BTN3A1: variants seen among roughly 807,000 people sequenced by gnomAD.
The protein encoded by BTN3A1 is butyrophilin subfamily 3 member A1.
BTN3A1 carries 24 observed loss-of-function variants against 43.0 expected under a neutral mutation model. That is an observed-to-expected ratio of 0.56 (90% confidence interval 0.40 to 0.78). The LOEUF (loss-of-function observed/expected upper bound fraction) is 0.78, where lower values mean the gene tolerates loss of function less well. BTN3A1 is among the 30% of genes least tolerant of loss of function. The pLI, the probability that BTN3A1 is intolerant of heterozygous loss-of-function variation, is 0.00. For missense variants in BTN3A1, 533 were observed against 626.2 expected (o/e 0.85, Z 1.59); for synonymous variants, 181 against 234.7 (o/e 0.77, Z 2.09).
intron 7 of BTN3A1, 127 bp from the exon 8 acceptor site, chr6:26,410,979 AGAG>A: frequency 1.4e-6 from 1 of 711,308 alleles, no homozygotes; most frequent in Non-Finnish European, 2.2e-6. Context: ...TTGAACCTGC[AGAG>A]GAGGAAGATA....
intron 4 of BTN3A1, among the ~76,000 whole-genome samples, chr6:26,408,886 T>G (rs1762109622): frequency 1.3e-5 from 2 of 152,200 alleles, no homozygotes. Flanking sequence ...CTATCTTTAG[T>G]GCAAATAAGA....
chr6:26,407,546 CT>C (rs1762059674), intron 3 of BTN3A1, 124 bp from the exon 4 acceptor site: 2 of 1,256,624 alleles, frequency 1.6e-6, no homozygotes, highest in Non-Finnish European at 2.2e-6. Context: ...TAGGACCACA[CT>C]TTTGTAAGCA....
intron 3 of BTN3A1, 35 bp from the exon 4 acceptor site, chr6:26,407,636 C>T: frequency 6.2e-7 from 1 of 1,605,602 alleles, no homozygotes; most frequent in Non-Finnish European, 8.5e-7. Flanking sequence ...TGATACAGGC[C>T]TCTCAAGAAT....
At chr6:26,409,835 A>G in intron 5 of BTN3A1, 59 bp from the exon 6 acceptor site, 2 of 1,613,522 alleles carry the variant, frequency 1.2e-6, no homozygotes, top group Non-Finnish European at 1.7e-6. Flanking sequence ...TTTAAGGTTA[A>G]TTTTTTAGAA....
At position 26,413,284 on chromosome 6, in the gene BTN3A1, T is replaced by G; in HGVS notation, c.1134T>G (p.Phe378Leu). Residue 378 changes from phenylalanine to leucine, a missense_variant, in exon 10 of 10, where the codon TTT becomes TTG. Around this residue, in one of 4 missense-constraint regions of BTN3A1, gnomAD observed 415 missense variants for 427.0 expected, o/e 0.97. Coordinates refer to ENST00000289361, the MANE Select transcript of BTN3A1 (RefSeq NM_007048.6). ...PQDLPDNPER[F>L]NWHYCVLGCE... ...ATCTGCCAGACAACCCTGAGAGATT[T>G]AATTGGCATTATTGTGTTCTCGGCT... 6.2e-7 allele frequency: 1 copy of G among 1,614,218 alleles called. No individual in the cohort carries two copies. The highest frequency in any genetic ancestry group is 8.5e-7 in the Non-Finnish European group (1 of 1,180,042).
chr6:26,412,587 C>T (rs1051681613), intron 9 of BTN3A1: 90 of 1,546,064 alleles, frequency 5.8e-5, no homozygotes, highest in Middle Eastern at 2.1e-4. Context: ...AGCACAGAGA[C>T]GGCCTTGCAG....
At chr6:26,410,103 A>G in intron 7 of BTN3A1, 71 bp downstream of exon 7, 1 of 1,589,536 alleles carries the variant, frequency 6.3e-7, no homozygotes, top group Non-Finnish European at 8.6e-7. Context: ...TCCACTCTTA[A>G]CTCTTTCCCC....
chr6:26,409,564 C>T lies in BTN3A1; in HGVS notation c.747C>T (p.Ile249=), dbSNP rs200773088. ...DPFFRSAQRW[I]AALAGTLPVL... is the part of the protein sequence containing the mutation. ...TCTTCAGGAGCGCCCAGAGGTGGAT[C>T]GCCGCCCTGGCAGGGACCCTGCCTG... Residue 249 remains isoleucine, a synonymous_variant, in exon 5 of 10, where the codon ATC becomes ATT. Transcript: ENST00000289361. The T allele has an allele frequency of 8.1e-6, 13 of 1,613,886 alleles. No individual in the cohort carries two copies. Among genetic ancestry groups the T allele is most frequent in the East Asian group, 6.7e-5 (3 of 44,844 alleles).
chr6:26,403,507 T>C (rs1761916402), intron 1 of BTN3A1, among the ~76,000 whole-genome samples: 1 of 152,232 alleles, frequency 6.6e-6, no homozygotes, highest in Non-Finnish European at 1.5e-5. Flanking sequence ...GCAACACTAA[T>C]TCCTACAAGT....
At chr6:26,406,947 A>G (rs1762040350) in intron 3 of BTN3A1, among the ~76,000 whole-genome samples, 1 of 152,236 alleles carries the variant, frequency 6.6e-6, no homozygotes. Context: ...GAAAGAGACC[A>G]GGGTGAGACT....
rs185388326 is a variant in BTN3A1 at position 26,410,782 on chromosome 6, T to C, written c.965-327T>C. On this transcript the variant is annotated intron_variant, in intron 7 of 9. Transcript: ENST00000289361. ...ATATATATGTGCATATATATGTATATATATATGTGTATATATATATGTGCA... is the reference window on the plus strand; with the variant it reads ...ATATATATGTGCATATATATGTATACATATATGTGTATATATATATGTGCA... 7.2e-3 allele frequency among the ~76,000 whole-genome samples: 1,073 copies of C among 149,830 alleles called. 13 individuals are homozygous for C. Among genetic ancestry groups the C allele is most frequent in the African/African-American group, 0.023 (946 of 40,950 alleles).
chr6:26,410,835 G>A (rs1234266631), intron 7 of BTN3A1, among the ~76,000 whole-genome samples: 1 of 149,720 alleles, frequency 6.7e-6, no homozygotes, highest in African/African-American at 2.5e-5. Flanking sequence ...CTATGCCCAG[G>A]TACAGGTATA....
At chr6:26,409,802 C>A in intron 5 of BTN3A1, 69 bp downstream of exon 5, 1 of 1,607,584 alleles carries the variant, frequency 6.2e-7, no homozygotes, top group Non-Finnish European at 8.5e-7. Flanking sequence ...TCACGCCCAT[C>A]CCCACCGCAG....
chr6:26,411,000 T>TAAAAAAAA lies in BTN3A1; in HGVS notation c.965-93_965-86dup, dbSNP rs1170183887. On this transcript the variant is annotated intron_variant, in intron 7 of 9. Transcript: ENST00000289361. ...CTGCAGAGGAGGAAGATACAGGTGG[T>TAAAAAAAA]AAAAAAAAAAAAAAAAAAAAAAAGA... is the stretch of plus-strand genomic sequence containing the variant. 2.6e-3 allele frequency: 943 copies of TAAAAAAAA among 359,354 alleles called. 13 individuals carry two copies. The highest frequency in any genetic ancestry group is 5.6e-3 in the African/African-American group (119 of 21,112). 22.3% of individuals were successfully genotyped at this position (359,354 alleles called of 1,614,324 possible).
intron 9 of BTN3A1, 120 bp downstream of exon 9, chr6:26,411,701 T>A: frequency 7.7e-7 from 1 of 1,294,512 alleles, no homozygotes. Context: ...TAGGAGAATT[T>A]GGGGTAGGCA....
rs1170183887 is a variant in BTN3A1 at position 26,411,000 on chromosome 6, T to TAAAAAAAAAAAAA, written c.965-98_965-86dup. On this transcript the variant is annotated intron_variant, in intron 7 of 9. Coordinates refer to ENST00000289361, the MANE Select transcript of BTN3A1 (RefSeq NM_007048.6). ...CTGCAGAGGAGGAAGATACAGGTGG[T>TAAAAAAAAAAAAA]AAAAAAAAAAAAAAAAAAAAAAAGA... 6.6e-4 allele frequency: 236 copies of TAAAAAAAAAAAAA among 359,602 alleles called. 8 individuals are homozygous for TAAAAAAAAAAAAA. The highest frequency in any genetic ancestry group is 1.6e-3 in the South Asian group (34 of 21,408). The allele number at this position is 359,602 out of a possible 1,614,324, so 22.3% of individuals were successfully genotyped here. A position where few individuals can be genotyped will look rare whatever the true frequency, so the allele number is the denominator to read the frequency against.
chr6:26,409,508 T>C (rs780793955), intron 4 of BTN3A1, 25 bp from the exon 5 acceptor site: 4 of 1,611,338 alleles, frequency 2.5e-6, no homozygotes, highest in South Asian at 2.2e-5. Context: ...CCGGCCCCCA[T>C]GACCCACAGC....
chr6:26,406,640 T>C (rs1426715374), intron 3 of BTN3A1, among the ~76,000 whole-genome samples: 2 of 152,226 alleles, frequency 1.3e-5, no homozygotes, highest in Non-Finnish European at 2.9e-5. Flanking sequence ...AAGACTGGGC[T>C]ATCTGGACTG....
In BTN3A1 at chr6:26,407,897, T is replaced by C. The variant is rs1353892620; in HGVS notation, c.660T>C (p.Cys220=). ...GCAGCTCTGGGGAGGGTGTATCCTG[T>C]ACCATCAGAAGTTCCCTCCTCGGCC... is the stretch of plus-strand genomic sequence containing the variant. ...MRGSSGEGVS[C]TIRSSLLGLE... Residue 220 remains cysteine (C), a synonymous_variant, in exon 4 of 10, where the codon TGT becomes TGC. Transcript: ENST00000289361. 6 of 1,614,220 alleles carry C rather than the reference T, an allele frequency of 3.7e-6. No homozygotes were observed. Among genetic ancestry groups the C allele is most frequent in the Non-Finnish European group, 4.2e-6 (5 of 1,180,042 alleles).
Sources: gnomAD v4.1 joint callset for allele counts (sites outside exome capture counted in the v4.1 genomes callset) on GRCh38, gnomAD v4.1.1 for gene constraint, gnomAD v4.1.1 regional missense constraint, MANE v1.5 for transcripts, NCBI Gene and HGNC (gene_info 2026-07-23, HGNC 2026-07-21) for gene names.